Variants in KCNK9 observed in about 807,000 individuals in gnomAD.
KCNK9 encodes potassium two pore domain channel subfamily K member 9.
In KCNK9, 1 loss-of-function variant was observed where a neutral mutation model predicts 10.8. The observed-to-expected ratio is 0.09, with a 90% CI of 0.03 to 0.44. The LOEUF is 0.44. Ranked by LOEUF, KCNK9 falls within the 20% of genes least tolerant of loss-of-function variation. KCNK9 has a pLI of 0.97. For synonymous variants in KCNK9, 231 were observed against 222.7 expected (o/e 1.04, Z -0.33); for missense variants, 303 against 515.0 (o/e 0.59, Z 3.98).
At chr8:139,620,263 C>T (rs1476355777) in intron 1 of KCNK9, among the ~76,000 whole-genome samples, 1 of 152,190 alleles carries the variant, frequency 6.6e-6, no homozygotes, top group Admixed American at 6.5e-5. Context: ...AAGGATGTAC[C>T]TGGTCTTCCA....
chr8:139,664,521 C>T (rs1586675140), intron 1 of KCNK9, among the ~76,000 whole-genome samples: 1 of 152,226 alleles, frequency 6.6e-6, no homozygotes, highest in East Asian at 1.9e-4. Context: ...AACTCAAGCC[C>T]CCCAACAAAC....
chr8:139,677,683 A>G (rs1472795015), intron 1 of KCNK9, among the ~76,000 whole-genome samples: 2 of 150,694 alleles, frequency 1.3e-5, no homozygotes, highest in Non-Finnish European at 2.9e-5. Context: ...GTCCCAGCCC[A>G]GTGGGTTCCC....
chr8:139,694,136 G>T (rs1239100562), intron 1 of KCNK9, among the ~76,000 whole-genome samples: 2 of 152,158 alleles, frequency 1.3e-5, no homozygotes, highest in African/African-American at 4.8e-5. Context: ...GGGGCCATGA[G>T]ATTAGATCAG....
chr8:139,634,210 AGTGCCACTCATGGGGAAG>A (rs1815263979), intron 1 of KCNK9, among the ~76,000 whole-genome samples: 1 of 152,220 alleles, frequency 6.6e-6, no homozygotes, highest in African/African-American at 2.4e-5. Context: ...GGACCAGGTA[AGTGCCACTCATGGGGAAG>A]GTGATTCCCT....
downstream of KCNK9, among the ~76,000 whole-genome samples, chr8:139,610,117 G>C (rs1158857090): frequency 4.6e-5 from 7 of 152,068 alleles, no homozygotes; most frequent in African/African-American, 1.4e-4. Context: ...TCAAAATCAA[G>C]CTCATATTTC....
intron 1 of KCNK9, among the ~76,000 whole-genome samples, chr8:139,622,438 G>A (rs533482635): frequency 2.0e-4 from 31 of 152,244 alleles, no homozygotes; most frequent in African/African-American, 7.2e-4. Flanking sequence ...GTTTCCAGTT[G>A]GGTCCATCCA....
intron 1 of KCNK9, among the ~76,000 whole-genome samples, chr8:139,626,053 C>T (rs1247058773): frequency 6.6e-6 from 1 of 152,162 alleles, no homozygotes; most frequent in African/African-American, 2.4e-5. Context: ...ATAAGAGGCA[C>T]CTGTTCTGAG....
chr8:139,629,647 C>T (rs1815097772), intron 1 of KCNK9, among the ~76,000 whole-genome samples: 1 of 152,006 alleles, frequency 6.6e-6, no homozygotes, highest in Non-Finnish European at 1.5e-5. Context: ...GATTTCTCCA[C>T]AGTTCTGGAG....
intron 1 of KCNK9, among the ~76,000 whole-genome samples, chr8:139,635,731 G>A (rs748504395): frequency 6.6e-6 from 1 of 152,112 alleles, no homozygotes; most frequent in Non-Finnish European, 1.5e-5. Context: ...GAAAGCTAAA[G>A]AAGCAGGGGA....
Position 139,604,060 on chromosome 8 carries a change from G to A in KCNK9, c.*1-2459C>T, listed in dbSNP as rs947223431. Among the ~76,000 whole-genome samples the A allele has an allele frequency of 1.7e-4, 26 of 152,206 alleles. 1 individual carries two copies. The highest frequency in any genetic ancestry group is 6.5e-5 in the Admixed American group (1 of 15,280). ...ATCTGAGCCAGGAAGTTCTCCTTCA[G>A]GGCCAGTGCAGGCCGTGAGACTAAT... On this transcript the variant is annotated intron_variant, in intron 2 of 2. Transcript: ENST00000650269.
chr8:139,689,643 ATTTTTTTT>A (rs35831003), intron 1 of KCNK9, among the ~76,000 whole-genome samples: 1 of 134,128 alleles, frequency 7.5e-6, no homozygotes, highest in Non-Finnish European at 1.6e-5. Context: ...CTTTGCCATC[ATTTTTTTT>A]TTTTTTTTTG....
intron 1 of KCNK9, among the ~76,000 whole-genome samples, chr8:139,657,566 CA>C (rs936485705): frequency 2.6e-5 from 4 of 152,016 alleles, no homozygotes; most frequent in Non-Finnish European, 5.9e-5. Context: ...CCCCCAGAGC[CA>C]AAACCCCCCA....
At chr8:139,659,425 A>G (rs1205985099) in intron 1 of KCNK9, among the ~76,000 whole-genome samples, 1 of 152,074 alleles carries the variant, frequency 6.6e-6, no homozygotes, top group Non-Finnish European at 1.5e-5. Context: ...CTCTCCCCCT[A>G]TCCTCCAGCA....
chr8:139,673,173 T>C (rs1816474555), intron 1 of KCNK9, among the ~76,000 whole-genome samples: 1 of 150,522 alleles, frequency 6.6e-6, no homozygotes, highest in African/African-American at 2.5e-5. Flanking sequence ...AGACAGAAAG[T>C]AGGTTAGTGG....
At chr8:139,651,660 T>C (rs1020643353) in intron 1 of KCNK9, among the ~76,000 whole-genome samples, 10 of 152,156 alleles carry the variant, frequency 6.6e-5, no homozygotes, top group African/African-American at 2.4e-4. Context: ...TTGGGCTGAC[T>C]TCCCAGCTGC....
In KCNK9 at chr8:139,702,237, C is replaced by A. The variant is rs986449429; in HGVS notation, c.283+473G>T. Among the ~76,000 whole-genome samples the A allele has an allele frequency of 1.3e-5, 2 of 152,168 alleles. No individual in the cohort carries two copies. Among genetic ancestry groups the A allele is most frequent in the Admixed American group, 1.3e-4 (2 of 15,286 alleles). On this transcript the variant is annotated intron_variant, in intron 1 of 1. Transcript: ENST00000520439. The surrounding 1 kb of genome is among the most constrained non-coding windows in gnomAD (Gnocchi z 7.5). ...GGCTACGGAGGGTCAGTGCCTCTCA[C>A]GCCCCAGGCGCACTCCCCTGCCACC...
At chr8:139,649,074 T>C (rs1210829536) in intron 1 of KCNK9, among the ~76,000 whole-genome samples, 2 of 152,162 alleles carry the variant, frequency 1.3e-5, no homozygotes, top group African/African-American at 4.8e-5. Flanking sequence ...TCCGAGGAGC[T>C]TTCTCCCCAT....
chr8:139,627,886 G>T (rs1815028170), intron 1 of KCNK9, among the ~76,000 whole-genome samples: 2 of 152,372 alleles, frequency 1.3e-5, no homozygotes, highest in East Asian at 1.9e-4. Flanking sequence ...CAGCTGGCAG[G>T]CCAGGGCCTC....
chr8:139,646,929 C>T (rs539126551), intron 1 of KCNK9, among the ~76,000 whole-genome samples: 3 of 152,256 alleles, frequency 2.0e-5, no homozygotes, highest in Non-Finnish European at 4.4e-5. Context: ...TCTAATGGGG[C>T]CCCCTGGCTC....
Sources: gnomAD v4.1 joint callset for allele counts (sites outside exome capture counted in the v4.1 genomes callset) on GRCh38, gnomAD v4.1.1 for gene constraint, Gnocchi (gnomAD v3.1) non-coding constraint, MANE v1.5 for transcripts, NCBI Gene and HGNC (gene_info 2026-07-23, HGNC 2026-07-21) for gene names.